LRRN2: variants seen among roughly 807,000 people sequenced by gnomAD.
The protein encoded by LRRN2 is leucine-rich repeat neuronal protein 2.
LRRN2 carries 10 observed loss-of-function variants against 35.7 expected under a neutral mutation model. The observed-to-expected ratio is 0.28, with a 90% CI of 0.17 to 0.47. The LOEUF (loss-of-function observed/expected upper bound fraction) is 0.47, where lower values mean the gene tolerates loss of function less well. Among genes scored for constraint, LRRN2 ranks in the 20% least tolerant of loss-of-function variants. The pLI, the probability that LRRN2 is intolerant of heterozygous loss-of-function variation, is 0.99. For missense variants in LRRN2, 731 were observed against 940.3 expected, an observed-to-expected ratio of 0.78 and a Z score of 2.91; for synonymous variants, 391 against 409.6, an observed-to-expected ratio of 0.95 and a Z score of 0.55.
rs866114089 is a variant in LRRN2 at position 204,617,966 on chromosome 1, G to A, written c.2027C>T (p.Ala676Val). 1.2e-6 allele frequency: 2 copies of A among 1,613,880 alleles called. No homozygotes were observed. Among genetic ancestry groups the A allele is most frequent in the South Asian group, 1.1e-5 (1 of 91,070 alleles). ...AGCAGACACAACCCGGACAGAAGGG[G>A]CACTCCAGCCCCAGAAAGCCCAGGC... The part of the protein sequence containing the change: ...PPAWAFWGWS[A>V]PSVRVVSAPL... The change falls in exon 2 of 2, where the codon GCC becomes GTC. Residue 676 changes from alanine (A) to valine (V), a missense_variant. Physicochemically the swap from Ala to Val is moderately conservative, Grantham distance 64. Transcript: ENST00000367177.
At chr1:204,665,247 T>C (rs1343646370) in intron 1 of LRRN2, among the ~76,000 whole-genome samples, 1 of 152,184 alleles carries the variant, frequency 6.6e-6, no homozygotes, top group East Asian at 1.9e-4. Context: ...CCCGGGGGTC[T>C]CAGGGCGCAA....
chr1:204,665,792 T>C (rs927743638), intron 1 of LRRN2, among the ~76,000 whole-genome samples: 1 of 152,208 alleles, frequency 6.6e-6, no homozygotes, highest in African/African-American at 2.4e-5. Context: ...CATTTGGCTC[T>C]TCACACCTGA....
intron 1 of LRRN2, among the ~76,000 whole-genome samples, chr1:204,624,203 C>T (rs760118915): frequency 6.6e-6 from 1 of 152,256 alleles, no homozygotes; most frequent in African/African-American, 2.4e-5. Context: ...TTCCTTGACT[C>T]CTGCCTAGAA....
intron 1 of LRRN2, among the ~76,000 whole-genome samples, chr1:204,676,796 A>G (rs1413842054): frequency 6.6e-6 from 1 of 152,156 alleles, no homozygotes; most frequent in African/African-American, 2.4e-5. Flanking sequence ...AGGAACTAAC[A>G]TTTATTGAGC....
At position 204,617,998 on chromosome 1, in the gene LRRN2, G is replaced by A. The variant is rs748501032; in HGVS notation, c.1995C>T (p.Leu665=). Residue 665 remains leucine (L), a synonymous_variant, in exon 2 of 2, where the codon CTC becomes CTT. Coordinates refer to ENST00000367177, the MANE Select transcript of LRRN2 (RefSeq NM_201630.2). ...AGCCCCAGAAAGCCCAGGCTGGAGG[G>A]AGAGGCCGCCTCCCACCCACACCCT... ...PRKGVGGRRP[L]PPAWAFWGWS... 36 of 1,613,108 alleles carry A rather than the reference G, an allele frequency of 2.2e-5. No homozygotes were observed. The highest frequency in any genetic ancestry group is 2.8e-5 in the Non-Finnish European group (33 of 1,179,638).
At chr1:204,637,195 A>G (rs1340364139) in intron 1 of LRRN2, among the ~76,000 whole-genome samples, 1 of 152,260 alleles carries the variant, frequency 6.6e-6, no homozygotes, top group South Asian at 2.1e-4. Flanking sequence ...TTGAATGTGA[A>G]GCCAGGACTG....
intron 1 of LRRN2, chr1:204,664,531 CA>C (rs1344269483): frequency 3.9e-5 from 6 of 152,194 alleles, no homozygotes; most frequent in African/African-American, 1.4e-4. Flanking sequence ...ATTTTAAAAC[CA>C]ACCTCATCCC....
At chr1:204,637,269 A>T (rs967633222) in intron 1 of LRRN2, among the ~76,000 whole-genome samples, 1 of 152,262 alleles carries the variant, frequency 6.6e-6, no homozygotes, top group Non-Finnish European at 1.5e-5. Flanking sequence ...TGCCGTCCAC[A>T]TGTGAAAGAA....
At chr1:204,652,263 C>CCTCCG (rs1668247004) in intron 1 of LRRN2, among the ~76,000 whole-genome samples, 1 of 73,422 alleles carries the variant, frequency 1.4e-5, no homozygotes, top group Admixed American at 1.5e-4. Flanking sequence ...CTTCACCGCC[C>CCTCCG]CCCCCCCGCC....
rs190826404 is a variant in LRRN2 at position 204,623,976 on chromosome 1, A to T, written c.-226-3758T>A. 3.2e-3 allele frequency among the ~76,000 whole-genome samples: 486 copies of T among 152,344 alleles called. 1 individual carries two copies. The highest frequency in any genetic ancestry group is 6.8e-3 in the Middle Eastern group (2 of 294). ...AACTGAGAGTCAGAAACGTTAGGTG[A>T]TTCATCAGAGGTTGCACAGCTTCTA... On this transcript the variant is annotated intron_variant, in intron 1 of 1. Coordinates refer to ENST00000367177, the MANE Select transcript of LRRN2 (RefSeq NM_201630.2).
intron 1 of LRRN2, among the ~76,000 whole-genome samples, chr1:204,660,711 G>A (rs1269707053): frequency 3.9e-5 from 6 of 152,188 alleles, no homozygotes; most frequent in Non-Finnish European, 8.8e-5. Context: ...GTGGCAGGGA[G>A]AGGCCTAAAT....
chr1:204,673,207 A>G (rs1464974935), intron 1 of LRRN2, among the ~76,000 whole-genome samples: 2 of 152,246 alleles, frequency 1.3e-5, no homozygotes, highest in South Asian at 2.1e-4. Context: ...TTACTGAACT[A>G]AATGAAGACT....
chr1:204,626,092 C>T (rs1460855618), intron 1 of LRRN2, among the ~76,000 whole-genome samples: 1 of 152,112 alleles, frequency 6.6e-6, no homozygotes, highest in Admixed American at 6.5e-5. Flanking sequence ...ACCTGCACTC[C>T]TAACCATCCA....
intron 1 of LRRN2, among the ~76,000 whole-genome samples, chr1:204,656,750 C>T (rs1668364686): frequency 6.6e-6 from 1 of 152,162 alleles, no homozygotes; most frequent in Admixed American, 6.5e-5. Context: ...TCTGCTCTAT[C>T]CTAAAGCCTG....
intron 1 of LRRN2, among the ~76,000 whole-genome samples, chr1:204,647,955 T>G (rs989472773): frequency 1.5e-4 from 23 of 152,276 alleles, no homozygotes; most frequent in African/African-American, 5.1e-4. Flanking sequence ...TGTTATTAAC[T>G]TCACCTGTTT....
At position 204,617,545 on chromosome 1, in the gene LRRN2, C is replaced by A; in HGVS notation, c.*306G>T. Reference sequence around the variant, plus strand: ...GGGACACAGGTAGGGGACAGCCAAGCCAGGCCCAGGAGCCTCTGGGCAGAG... The same window carrying A: ...GGGACACAGGTAGGGGACAGCCAAGACAGGCCCAGGAGCCTCTGGGCAGAG... On this transcript the variant is annotated 3_prime_UTR_variant, in exon 2 of 2. Coordinates refer to ENST00000367177, the MANE Select transcript of LRRN2 (RefSeq NM_201630.2). The A allele has an allele frequency of 2.6e-6, 1 of 379,920 alleles. No homozygotes were observed. The highest frequency in any genetic ancestry group is 4.8e-6 in the Non-Finnish European group (1 of 207,766). The allele number at this position is 379,920 out of a possible 1,614,324, so 23.5% of individuals were successfully genotyped here.
chr1:204,682,462 T>C (rs1394090592), intron 1 of LRRN2, among the ~76,000 whole-genome samples: 3 of 152,212 alleles, frequency 2.0e-5, no homozygotes, highest in Admixed American at 6.5e-5. Flanking sequence ...ACAGATATCA[T>C]AGGGCCAAAT....
intron 1 of LRRN2, among the ~76,000 whole-genome samples, chr1:204,674,583 C>T (rs1668781959): frequency 6.6e-6 from 1 of 152,194 alleles, no homozygotes; most frequent in African/African-American, 2.4e-5. Flanking sequence ...CCCTTCCCTC[C>T]CACAGCCCTG....
chr1:204,637,144 T>C (rs1235325114), intron 1 of LRRN2, among the ~76,000 whole-genome samples: 1 of 152,172 alleles, frequency 6.6e-6, no homozygotes, highest in East Asian at 1.9e-4. Flanking sequence ...TATGTTGGAA[T>C]TTTTCATAAT....
Sources: gnomAD v4.1 joint callset for allele counts (sites outside exome capture counted in the v4.1 genomes callset) on GRCh38, gnomAD v4.1.1 for gene constraint, MANE v1.5 for transcripts, NCBI Gene and HGNC (gene_info 2026-07-23, HGNC 2026-07-21) for gene names.